CC2D2B: variants seen among roughly 807,000 people sequenced by gnomAD.
CC2D2B encodes protein CC2D2B.
CC2D2B carries 128 observed loss-of-function variants against 161.2 expected under a neutral mutation model. The ratio of observed to expected loss-of-function variants is 0.79; its 90% CI spans 0.69 to 0.92. The LOEUF (loss-of-function observed/expected upper bound fraction) is 0.92. Among genes scored for constraint, CC2D2B ranks in the 40% least tolerant of loss-of-function variants. The pLI is 0.00. For missense variants in CC2D2B, 1,173 were observed against 1,375.1 expected, an observed-to-expected ratio of 0.85 and a Z score of 2.32; for synonymous variants, 391 against 449.8, an observed-to-expected ratio of 0.87 and a Z score of 1.65.
intron 31 of CC2D2B, 84 bp downstream of exon 31, chr10:96,019,421 AATATAG>A (rs1231724791): frequency 7.7e-7 from 1 of 1,301,546 alleles, no homozygotes; most frequent in African/African-American, 1.5e-5. Flanking sequence ...GGGAACTTTA[AATATAG>A]ATAGTCTATC....
chr10:95,911,228 C>A (rs886871294), intron 1 of CC2D2B, 73 bp from the exon 2 acceptor site: 3 of 206,462 alleles, frequency 1.5e-5, no homozygotes, highest in African/African-American at 6.8e-5. Flanking sequence ...AAAAAGCATA[C>A]TTTTAACCTC....
intron 24 of CC2D2B, chr10:96,000,177 TC>T (rs2141754929): frequency 1.4e-6 from 2 of 1,433,850 alleles, no homozygotes; most frequent in East Asian, 2.6e-5. Context: ...AAGGAACAAC[TC>T]CATGTTTTCT....
intron 2 of CC2D2B, among the ~76,000 whole-genome samples, chr10:95,913,710 T>C (rs1479860316): frequency 6.6e-6 from 1 of 152,242 alleles, no homozygotes; most frequent in Non-Finnish European, 1.5e-5. Context: ...ATTTCTCTAA[T>C]GGTCAATGAT....
At chr10:95,933,939 C>G (rs2075710449) in intron 6 of CC2D2B, among the ~76,000 whole-genome samples, 1 of 152,212 alleles carries the variant, frequency 6.6e-6, no homozygotes, top group Non-Finnish European at 1.5e-5. Flanking sequence ...CTCTTCAGAG[C>G]TGGCAGGCAG....
At chr10:95,957,974 A>G (rs1189360580) in intron 11 of CC2D2B, among the ~76,000 whole-genome samples, 1 of 152,046 alleles carries the variant, frequency 6.6e-6, no homozygotes, top group Non-Finnish European at 1.5e-5. Context: ...AGTTTTCAAC[A>G]ACAAAAAAAC....
At chr10:95,954,068 T>G (rs1442495772) in intron 10 of CC2D2B, among the ~76,000 whole-genome samples, 1 of 152,210 alleles carries the variant, frequency 6.6e-6, no homozygotes, top group African/African-American at 2.4e-5. Flanking sequence ...ATTGAGCAAT[T>G]GAACAAAACT....
At chr10:95,909,024 G>T (rs751441560) in intron 1 of CC2D2B, among the ~76,000 whole-genome samples, 1 of 151,836 alleles carries the variant, frequency 6.6e-6, no homozygotes, top group Non-Finnish European at 1.5e-5. Flanking sequence ...AGCAGGACAT[G>T]ATGACTTGGG....
chr10:95,908,374 C>G (rs1430930382), intron 1 of CC2D2B, among the ~76,000 whole-genome samples: 1 of 152,150 alleles, frequency 6.6e-6, no homozygotes, highest in Non-Finnish European at 1.5e-5. Flanking sequence ...TTAGGATAAG[C>G]AGGAAGATGA....
At chr10:96,029,636 T>C (rs1291637586) in intron 34 of CC2D2B, among the ~76,000 whole-genome samples, 1 of 151,952 alleles carries the variant, frequency 6.6e-6, no homozygotes, top group African/African-American at 2.4e-5. Flanking sequence ...TATCATTAGA[T>C]TTATCTCAGG....
chr10:95,943,445 A>G (rs2076091169), intron 9 of CC2D2B, among the ~76,000 whole-genome samples: 1 of 152,166 alleles, frequency 6.6e-6, no homozygotes, highest in Admixed American at 6.6e-5. Context: ...TTTGCTGTCT[A>G]GTTGCTCTGC....
At chr10:95,953,291 C>CT (rs1480485941) in intron 10 of CC2D2B, among the ~76,000 whole-genome samples, 7 of 152,250 alleles carry the variant, frequency 4.6e-5, no homozygotes, top group African/African-American at 1.7e-4. Flanking sequence ...CAGCCTCTAA[C>CT]TCCTGGGCTC....
At chr10:95,946,925 C>T (rs560457792) in intron 9 of CC2D2B, among the ~76,000 whole-genome samples, 2 of 151,236 alleles carry the variant, frequency 1.3e-5, no homozygotes, top group Non-Finnish European at 2.9e-5. Flanking sequence ...TGGGTTGATG[C>T]ATTCATGGCT....
chr10:95,926,709 G>A (rs778000857), intron 5 of CC2D2B, among the ~76,000 whole-genome samples: 1 of 151,962 alleles, frequency 6.6e-6, no homozygotes, highest in Non-Finnish European at 1.5e-5. Flanking sequence ...TCAGACAAGA[G>A]TGAAAAATGA....
chr10:96,016,697 C>T (rs2079213243), intron 30 of CC2D2B, among the ~76,000 whole-genome samples: 1 of 152,060 alleles, frequency 6.6e-6, no homozygotes, highest in Non-Finnish European at 1.5e-5. Flanking sequence ...ATCGTTACCA[C>T]CATGATCATC....
At chr10:96,027,908 T>A in intron 34 of CC2D2B, among the ~76,000 whole-genome samples, 1 of 152,234 alleles carries the variant, frequency 6.6e-6, no homozygotes, top group Middle Eastern at 3.4e-3. Context: ...CTTCAATAAA[T>A]GATGCTGGGA....
intron 29 of CC2D2B, among the ~76,000 whole-genome samples, chr10:96,015,570 G>C (rs2141883114): frequency 6.6e-6 from 1 of 151,526 alleles, no homozygotes; most frequent in East Asian, 1.9e-4. Context: ...CTGTAGACTA[G>C]AACTAAGTCA....
chr10:96,002,657 G>A (rs1311565149), intron 24 of CC2D2B, among the ~76,000 whole-genome samples: 2 of 152,138 alleles, frequency 1.3e-5, no homozygotes, highest in South Asian at 2.1e-4. Flanking sequence ...AACAAAGTAG[G>A]GGAGTCAGCT....
chr10:95,997,327 T>C (rs1333920720), intron 24 of CC2D2B, among the ~76,000 whole-genome samples: 3 of 152,196 alleles, frequency 2.0e-5, no homozygotes, highest in African/African-American at 7.2e-5. Flanking sequence ...CTGGAGCACA[T>C]GTGCAAGAGT....
chr10:95,914,838 A>G (rs2098513119), intron 2 of CC2D2B, among the ~76,000 whole-genome samples: 1 of 152,218 alleles, frequency 6.6e-6, no homozygotes, highest in African/African-American at 2.4e-5. Flanking sequence ...TAATAGAGTC[A>G]GGTAATGTGA....
Sources: gnomAD v4.1 joint callset for allele counts (sites outside exome capture counted in the v4.1 genomes callset) on GRCh38, gnomAD v4.1.1 for gene constraint, MANE v1.5 for transcripts, NCBI Gene and HGNC (gene_info 2026-07-23, HGNC 2026-07-21) for gene names.